MLLT3: variants seen among roughly 807,000 people sequenced by gnomAD.
The protein encoded by MLLT3 is protein AF-9.
In MLLT3, 4 loss-of-function variants were observed where a neutral mutation model predicts 53.2. That is an observed-to-expected ratio of 0.08 (90% CI 0.04 to 0.17). The LOEUF is 0.17. Ranked by LOEUF, MLLT3 falls within the 10% of genes least tolerant of loss-of-function variation. MLLT3 has a pLI of 1.00. For synonymous variants in MLLT3, 283 were observed against 230.6 expected (o/e 1.23, Z -2.06); for missense variants, 569 against 684.0 (o/e 0.83, Z 1.87).
chr9:20,400,282 T>C (rs761343618), intron 5 of MLLT3, among the ~76,000 whole-genome samples: 2 of 152,072 alleles, frequency 1.3e-5, no homozygotes, highest in Non-Finnish European at 2.9e-5. Flanking sequence ...TGCATCTTCA[T>C]GTGAAAAAAG....
chr9:20,538,705 G>A (rs769273465), intron 2 of MLLT3, among the ~76,000 whole-genome samples: 7 of 152,040 alleles, frequency 4.6e-5, no homozygotes, highest in African/African-American at 9.7e-5. Flanking sequence ...ATTACAAATC[G>A]AGTTTTTAAA....
intron 2 of MLLT3, among the ~76,000 whole-genome samples, chr9:20,559,165 T>C (rs1819136919): frequency 6.6e-6 from 1 of 152,234 alleles, no homozygotes; most frequent in African/African-American, 2.4e-5. Context: ...AATAATTTTA[T>C]ATAAAAGTAA....
At chr9:20,389,478 C>T (rs796943397) in intron 5 of MLLT3, among the ~76,000 whole-genome samples, 2 of 152,216 alleles carry the variant, frequency 1.3e-5, no homozygotes, top group African/African-American at 4.8e-5. Flanking sequence ...CTGGAATATA[C>T]TAAAAACCAC....
intron 3 of MLLT3, among the ~76,000 whole-genome samples, chr9:20,450,666 G>A (rs554956090): frequency 1.6e-4 from 25 of 152,220 alleles, no homozygotes; most frequent in Middle Eastern, 3.4e-3. Context: ...CATTATTCAA[G>A]ACCCAGCTAA....
At chr9:20,390,439 TTCC>T (rs1339631028) in intron 5 of MLLT3, among the ~76,000 whole-genome samples, 1 of 152,224 alleles carries the variant, frequency 6.6e-6, no homozygotes, top group Admixed American at 6.5e-5. Flanking sequence ...CATAAATTAA[TTCC>T]TTTGTGTAAA....
chr9:20,504,447 C>A (rs1268730468), intron 2 of MLLT3, among the ~76,000 whole-genome samples: 1 of 151,808 alleles, frequency 6.6e-6, no homozygotes, highest in Non-Finnish European at 1.5e-5. Context: ...TTTTCAACAA[C>A]ATGAATGAAC....
At chr9:20,360,589 T>C (rs1252090101) in intron 8 of MLLT3, among the ~76,000 whole-genome samples, 153 bp downstream of exon 8, 1 of 152,248 alleles carries the variant, frequency 6.6e-6, no homozygotes, top group Non-Finnish European at 1.5e-5. Context: ...ACCCTAACTA[T>C]GTGTTTATTC....
At chr9:20,540,768 T>G (rs1446069185) in intron 2 of MLLT3, among the ~76,000 whole-genome samples, 1 of 152,204 alleles carries the variant, frequency 6.6e-6, no homozygotes, top group South Asian at 2.1e-4. Context: ...GCTATTAACA[T>G]TTCACTCCTC....
At chr9:20,400,258 A>T (rs1437006215) in intron 5 of MLLT3, among the ~76,000 whole-genome samples, 6 of 152,160 alleles carry the variant, frequency 3.9e-5, no homozygotes, top group Admixed American at 6.5e-5. Flanking sequence ...ATGACAACCA[A>T]GTTTTTCTCC....
intron 5 of MLLT3, chr9:20,380,463 TA>T (rs1821880107): frequency 6.6e-6 from 1 of 152,186 alleles, no homozygotes; most frequent in East Asian, 1.9e-4. Flanking sequence ...AACTTGTTTT[TA>T]ATCTTCATAA....
intron 2 of MLLT3, among the ~76,000 whole-genome samples, chr9:20,555,902 C>T (rs1379565360): frequency 3.3e-5 from 5 of 152,216 alleles, no homozygotes; most frequent in African/African-American, 7.2e-5. Context: ...CATCTGCCAA[C>T]AAATCATTAA....
rs1437228812 is a variant in MLLT3 at position 20,441,123 on chromosome 9, G to A, written c.420+7000C>T. The stretch of plus-strand genomic sequence containing the variant: ...TTTGCTTAGTTTATGCAGTAATGGC[G>A]TTTGAGCTTTCAGCAGAGTGGAAAG... On this transcript the variant is annotated intron_variant, in intron 4 of 10. Coordinates refer to ENST00000380338, the MANE Select transcript of MLLT3 (RefSeq NM_004529.4). Among the ~76,000 whole-genome samples, 7 of 152,092 alleles carry A rather than the reference G, an allele frequency of 4.6e-5. No individual in the cohort carries two copies. The East Asian group carries it at 5.8e-4, about 13-fold the overall frequency.
In MLLT3 at chr9:20,414,318, G is replaced by GCTGCTGCTGCTGCTGCTGCTGCTGCTA. The variant is rs1563956740; in HGVS notation, c.501_527dup (p.Ser182_Ser190dup). Reference sequence around the variant, plus strand: ...TGCTGCTACTGCTGCTGCTACTGCTGCTGCTGCTGCTGCTGCTGCTGCTGC... The same window carrying GCTGCTGCTGCTGCTGCTGCTGCTGCTA: ...TGCTGCTACTGCTGCTGCTACTGCTGCTGCTGCTGCTGCTGCTGCTGCTGCTACTGCTGCTGCTGCTGCTGCTGCTGC... On this transcript the variant is annotated inframe_insertion, in exon 5 of 11. Coordinates refer to ENST00000380338, the MANE Select transcript of MLLT3 (RefSeq NM_004529.4). The GCTGCTGCTGCTGCTGCTGCTGCTGCTA allele has an allele frequency of 1.9e-6, 3 of 1,605,192 alleles. No individual in the cohort carries two copies. The highest frequency in any genetic ancestry group is 1.1e-5 in the South Asian group (1 of 90,582).
intron 2 of MLLT3, among the ~76,000 whole-genome samples, chr9:20,463,661 T>A (rs570944962): frequency 1.3e-5 from 2 of 152,148 alleles, no homozygotes; most frequent in East Asian, 3.8e-4. Flanking sequence ...TGGACACAGA[T>A]GTCCAGGCTA....
chr9:20,489,386 C>T (rs1321834137), intron 2 of MLLT3, among the ~76,000 whole-genome samples: 1 of 152,162 alleles, frequency 6.6e-6, no homozygotes, highest in African/African-American at 2.4e-5. Context: ...TTTATATTCT[C>T]TTTCTTGGCA....
intron 2 of MLLT3, among the ~76,000 whole-genome samples, chr9:20,489,525 T>G (rs112630532): frequency 1.0e-3 from 159 of 152,220 alleles, no homozygotes; most frequent in African/African-American, 3.7e-3. Context: ...GGCCAGTAGG[T>G]TCAATATTTA....
chr9:20,381,914 C>T (rs989418392), intron 5 of MLLT3, among the ~76,000 whole-genome samples: 2 of 151,808 alleles, frequency 1.3e-5, no homozygotes, highest in Non-Finnish European at 2.9e-5. Flanking sequence ...TAATCCTTAG[C>T]TTCTCTCAGA....
chr9:20,379,397 G>T (rs2118691538), intron 5 of MLLT3, among the ~76,000 whole-genome samples: 1 of 152,032 alleles, frequency 6.6e-6, no homozygotes, highest in South Asian at 2.1e-4. Flanking sequence ...TCCCCCAAAA[G>T]CCCCCAAATC....
At chr9:20,442,994 G>A (rs1245572758) in intron 4 of MLLT3, among the ~76,000 whole-genome samples, 4 of 152,094 alleles carry the variant, frequency 2.6e-5, no homozygotes. Flanking sequence ...AACAACTGCT[G>A]TGGTTAGTTT....
Sources: allele counts gnomAD v4.1 joint callset (sites outside exome capture counted in the v4.1 genomes callset), GRCh38; gene constraint gnomAD v4.1.1; transcripts MANE v1.5; gene names NCBI Gene and HGNC (gene_info 2026-07-23, HGNC 2026-07-21).